The following LRMDA variants were observed in gnomAD, a reference collection of about 807,000 sequenced individuals.
LRMDA encodes the protein leucine rich melanocyte differentiation associated, also known as leucine-rich melanocyte differentiation-associated protein.
LRMDA carries 18 observed loss-of-function variants against 29.8 expected under a neutral mutation model. That is an observed-to-expected ratio of 0.60 (90% CI 0.42 to 0.90). The LOEUF is 0.90. Ranked by LOEUF, LRMDA falls within the 40% of genes least tolerant of loss-of-function variation. The pLI is 0.00. For synonymous variants in LRMDA, 125 were observed against 109.4 expected (o/e 1.14, Z -0.89); for missense variants, 273 against 273.9 (o/e 1.00, Z 0.02).
chr10:76,437,861 C>T (rs1247593070), intron 6 of LRMDA, among the ~76,000 whole-genome samples: 2 of 152,208 alleles, frequency 1.3e-5, no homozygotes, highest in East Asian at 3.9e-4. Context: ...GCCAGTCCTT[C>T]GCCAAGTGGC....
chr10:76,192,002 C>T (rs1403023445), intron 5 of LRMDA, among the ~76,000 whole-genome samples: 2 of 152,248 alleles, frequency 1.3e-5, no homozygotes, highest in African/African-American at 2.4e-5. Flanking sequence ...AAACCCAGGT[C>T]TCGCGTGCGG....
At chr10:76,128,945 C>G (rs974583894) in intron 5 of LRMDA, among the ~76,000 whole-genome samples, 5 of 152,236 alleles carry the variant, frequency 3.3e-5, no homozygotes, top group Admixed American at 3.3e-4. Context: ...CAGTGGAGTC[C>G]AATTGGAGAC....
chr10:75,920,639 G>A (rs918996409), intron 2 of LRMDA, among the ~76,000 whole-genome samples: 4 of 152,124 alleles, frequency 2.6e-5, no homozygotes, highest in Non-Finnish European at 4.4e-5. Flanking sequence ...GCAGAGCTGC[G>A]TTATCCTTAG....
chr10:75,576,189 G>A (rs559033293), intron 2 of LRMDA, among the ~76,000 whole-genome samples: 1 of 152,282 alleles, frequency 6.6e-6, no homozygotes, highest in South Asian at 2.1e-4. Flanking sequence ...GGGAGGAGGG[G>A]CATCCACCAT....
At chr10:76,527,467 C>A (rs998609727) in intron 6 of LRMDA, among the ~76,000 whole-genome samples, 2 of 152,040 alleles carry the variant, frequency 1.3e-5, no homozygotes, top group African/African-American at 4.8e-5. Context: ...TTTTTCCCCT[C>A]TTGATATCTC....
At chr10:75,602,115 A>G (rs938630201) in intron 2 of LRMDA, among the ~76,000 whole-genome samples, 2 of 152,134 alleles carry the variant, frequency 1.3e-5, no homozygotes, top group South Asian at 4.1e-4. Context: ...TGCTAATGGA[A>G]GAAGAGTTGA....
chr10:75,843,461 A>T (rs1220926335), intron 2 of LRMDA, among the ~76,000 whole-genome samples: 3 of 152,236 alleles, frequency 2.0e-5, no homozygotes, highest in Non-Finnish European at 2.9e-5. Flanking sequence ...CCTGAGTGCC[A>T]GTGCTTGCTC....
Position 76,279,459 on chromosome 10 carries a change from G to A in LRMDA, c.517-44942G>A, listed in dbSNP as rs529571249. Reference sequence around the variant, plus strand: ...AATGAAAAGAAATAAAGTTTACACAGCATGGGATAAGAATATGAGATTTAC... The same window carrying A: ...AATGAAAAGAAATAAAGTTTACACAACATGGGATAAGAATATGAGATTTAC... On this transcript the variant is annotated intron_variant, in intron 5 of 6. Coordinates refer to ENST00000611255, the MANE Select transcript of LRMDA (RefSeq NM_001305581.2). 9.0e-4 allele frequency among the ~76,000 whole-genome samples: 137 copies of A among 151,696 alleles called. 1 individual carries two copies. Among genetic ancestry groups the A allele is most frequent in the African/African-American group, 3.1e-3 (128 of 41,386 alleles).
intron 5 of LRMDA, among the ~76,000 whole-genome samples, chr10:76,289,385 G>A (rs957981849): frequency 6.6e-5 from 10 of 152,170 alleles, no homozygotes; most frequent in South Asian, 4.2e-4. Context: ...ATGTGAGGTC[G>A]CCTTCTTTTA....
intron 5 of LRMDA, among the ~76,000 whole-genome samples, chr10:76,121,499 G>A (rs1220148646): frequency 1.3e-5 from 2 of 152,138 alleles, no homozygotes; most frequent in African/African-American, 2.4e-5. Flanking sequence ...TGGGGACATG[G>A]CCCTGCCTTG....
At chr10:75,935,325 A>G (rs1195785707) in intron 2 of LRMDA, among the ~76,000 whole-genome samples, 1 of 152,214 alleles carries the variant, frequency 6.6e-6, no homozygotes, top group Non-Finnish European at 1.5e-5. Context: ...ACCTGGCTGA[A>G]TAAGTGTGTC....
intron 6 of LRMDA, among the ~76,000 whole-genome samples, chr10:76,473,367 C>A (rs1332138260): frequency 6.6e-6 from 1 of 151,458 alleles, no homozygotes; most frequent in Non-Finnish European, 1.5e-5. Flanking sequence ...GCTTCCCCAA[C>A]GCGATAAAGG....
chr10:76,042,808 A>T (rs1848363135), intron 3 of LRMDA, among the ~76,000 whole-genome samples: 1 of 152,228 alleles, frequency 6.6e-6, no homozygotes, highest in Admixed American at 6.5e-5. Flanking sequence ...AAAATAGTTT[A>T]GAAATGTTTC....
At chr10:75,670,695 C>G (rs1362996355) in intron 2 of LRMDA, among the ~76,000 whole-genome samples, 1 of 152,150 alleles carries the variant, frequency 6.6e-6, no homozygotes, top group Non-Finnish European at 1.5e-5. Context: ...TTGTCTTAGC[C>G]TGGGCTTGTA....
chr10:76,375,510 C>T (rs964519279), intron 6 of LRMDA, among the ~76,000 whole-genome samples: 6 of 152,124 alleles, frequency 3.9e-5, no homozygotes, highest in South Asian at 4.1e-4. Flanking sequence ...CAAAATGCTT[C>T]GTAGTGTTTT....
At chr10:76,519,406 T>C (rs1377048517) in intron 6 of LRMDA, among the ~76,000 whole-genome samples, 1 of 152,174 alleles carries the variant, frequency 6.6e-6, no homozygotes, top group Non-Finnish European at 1.5e-5. Context: ...TACTTTGTTC[T>C]TAATGGTAAA....
chr10:75,715,097 G>A (rs1402318406), intron 2 of LRMDA, among the ~76,000 whole-genome samples: 2 of 152,128 alleles, frequency 1.3e-5, no homozygotes, highest in Non-Finnish European at 2.9e-5. Context: ...TGGTCTCCAA[G>A]TGCAGGAGCC....
At chr10:75,501,144 A>T (rs942661476) in intron 2 of LRMDA, among the ~76,000 whole-genome samples, 1 of 152,134 alleles carries the variant, frequency 6.6e-6, no homozygotes, top group East Asian at 1.9e-4. Flanking sequence ...GGGTGTTGGG[A>T]TACTGTTTTG....
At chr10:76,068,078 A>G (rs1848813680) in intron 5 of LRMDA, among the ~76,000 whole-genome samples, 2 of 152,244 alleles carry the variant, frequency 1.3e-5, no homozygotes, top group Non-Finnish European at 2.9e-5. Flanking sequence ...CTTCAATGAC[A>G]TGTGCATGTA....
Sources: gnomAD v4.1 joint callset for allele counts (sites outside exome capture counted in the v4.1 genomes callset) on GRCh38, gnomAD v4.1.1 for gene constraint, MANE v1.5 for transcripts, NCBI Gene and HGNC (gene_info 2026-07-23, HGNC 2026-07-21) for gene names.